Variants in CDKAL1 observed in about 807,000 individuals in gnomAD.
The protein encoded by CDKAL1 is CDKAL1 threonylcarbamoyladenosine tRNA methylthiotransferase, also known as threonylcarbamoyladenosine tRNA methylthiotransferase.
A neutral mutation model predicts 68.2 loss-of-function variants in CDKAL1; 32 were observed. That is an observed-to-expected ratio of 0.47 (90% CI 0.35 to 0.63). The LOEUF (loss-of-function observed/expected upper bound fraction) is 0.63, where lower values mean the gene tolerates loss of function less well. CDKAL1 is among the 30% of genes least tolerant of loss of function. The probability of loss-of-function intolerance (pLI) is 0.00; values close to 1 mark genes in which losing one functional copy is unlikely to be tolerated. For missense variants in CDKAL1, 606 were observed against 696.7 expected, an observed-to-expected ratio of 0.87 and a Z score of 1.47; for synonymous variants, 234 against 244.3, an observed-to-expected ratio of 0.96 and a Z score of 0.39.
chr6:20,980,753 A>G (rs1405438119), intron 10 of CDKAL1, among the ~76,000 whole-genome samples: 1 of 152,092 alleles, frequency 6.6e-6, no homozygotes, highest in African/African-American at 2.4e-5. Context: ...AAGGGGAGAG[A>G]GAGGGAGGTG....
chr6:20,584,063 T>A (rs1156723506), intron 4 of CDKAL1, among the ~76,000 whole-genome samples: 1 of 143,554 alleles, frequency 7.0e-6, no homozygotes, highest in Non-Finnish European at 1.5e-5. Context: ...TTTTTTTTTT[T>A]AACATTACTA....
At chr6:20,613,527 G>A (rs1311858493) in intron 4 of CDKAL1, among the ~76,000 whole-genome samples, 3 of 150,484 alleles carry the variant, frequency 2.0e-5, no homozygotes, top group South Asian at 2.1e-4. Flanking sequence ...TGCCCTCCTC[G>A]GCCTTCCGAA....
At chr6:21,184,055 C>G (rs559130444) in intron 13 of CDKAL1, among the ~76,000 whole-genome samples, 2 of 152,250 alleles carry the variant, frequency 1.3e-5, no homozygotes, top group South Asian at 4.1e-4. Flanking sequence ...AACATTAAAA[C>G]AGAGAACTTA....
At chr6:21,071,452 T>C (rs183166439) in intron 12 of CDKAL1, among the ~76,000 whole-genome samples, 5 of 152,282 alleles carry the variant, frequency 3.3e-5, no homozygotes, top group Non-Finnish European at 7.4e-5. Flanking sequence ...AAACCTCTTT[T>C]CTTTATAATT....
intron 8 of CDKAL1, among the ~76,000 whole-genome samples, chr6:20,827,013 G>T (rs1434304324): frequency 6.6e-6 from 1 of 152,064 alleles, no homozygotes; most frequent in African/African-American, 2.4e-5. Context: ...GTGGCTCATA[G>T]TTAAAAACAA....
chr6:20,959,116 A>G (rs898066019), intron 10 of CDKAL1, among the ~76,000 whole-genome samples: 6 of 152,190 alleles, frequency 3.9e-5, no homozygotes, highest in Non-Finnish European at 8.8e-5. Flanking sequence ...TATAGCAAAT[A>G]CTGAATACAT....
In CDKAL1 at chr6:21,078,748, A is replaced by G. The variant is rs151226661; in HGVS notation, c.1236+13520A>G. On this transcript the variant is annotated intron_variant, in intron 12 of 15. Transcript: ENST00000274695. ...GAGGAGGAGAGCTTGGATCATTTGC[A>G]CTTAGCATTTAAGCCTCTCTTCAGC... Among the ~76,000 whole-genome samples the G allele has an allele frequency of 3.9e-5, 6 of 152,192 alleles. No individual in the cohort carries two copies. The East Asian group carries it at 1.2e-3, about 29-fold the overall frequency.
At chr6:20,547,863 T>A (rs1763665470) in intron 3 of CDKAL1, among the ~76,000 whole-genome samples, 1 of 152,206 alleles carries the variant, frequency 6.6e-6, no homozygotes. Context: ...TACTTATATC[T>A]GTAAGTTTTA....
At chr6:20,954,751 A>G (rs1302415644) in intron 9 of CDKAL1, among the ~76,000 whole-genome samples, 1 of 152,212 alleles carries the variant, frequency 6.6e-6, no homozygotes, top group Non-Finnish European at 1.5e-5. Flanking sequence ...AATAATAACG[A>G]CAAGAATATA....
intron 8 of CDKAL1, among the ~76,000 whole-genome samples, chr6:20,793,344 G>A (rs145834306): frequency 1.2e-4 from 18 of 152,238 alleles, no homozygotes; most frequent in Non-Finnish European, 5.9e-5. Context: ...TAATGACAAG[G>A]TGTCAGTAGC....
chr6:21,101,482 A>C (rs528099984), intron 12 of CDKAL1, among the ~76,000 whole-genome samples: 1 of 152,170 alleles, frequency 6.6e-6, no homozygotes, highest in Non-Finnish European at 1.5e-5. Flanking sequence ...AAGCAGATAC[A>C]TGGCCCAAGA....
At chr6:20,565,163 G>A (rs1480505876) in intron 4 of CDKAL1, among the ~76,000 whole-genome samples, 1 of 151,796 alleles carries the variant, frequency 6.6e-6, no homozygotes, top group Non-Finnish European at 1.5e-5. Context: ...ATTTTTAAAT[G>A]AACAGCATTT....
chr6:21,224,633 C>T (rs1347138628), intron 15 of CDKAL1, among the ~76,000 whole-genome samples: 1 of 152,166 alleles, frequency 6.6e-6, no homozygotes, highest in Non-Finnish European at 1.5e-5. Context: ...CTGGAAAGGG[C>T]AAGGAATCAG....
chr6:20,823,071 CTCTCTCTCTG>C lies in CDKAL1; in HGVS notation c.639-22995_639-22986del, dbSNP rs1378405480. Among the ~76,000 whole-genome samples the C allele has an allele frequency of 2.0e-5, 3 of 152,134 alleles. No individual in the cohort carries two copies. In the East Asian group the frequency reaches 5.8e-4, roughly 29 times the overall value. On this transcript the variant is annotated intron_variant, in intron 8 of 15. Transcript: ENST00000274695. The stretch of plus-strand genomic sequence containing the variant: ...GCACACGTACACATTCTCGTTTTCT[CTCTCTCTCTG>C]TCTCTCTCACATACATATATACGAC...
Position 20,776,331 on chromosome 6 carries a change from T to C in CDKAL1, c.518-4814T>C, listed in dbSNP as rs565445444. Among the ~76,000 whole-genome samples, 3 of 152,332 alleles carry C rather than the reference T, an allele frequency of 2.0e-5. No homozygotes were observed. The South Asian group carries it at 6.2e-4, about 32-fold the overall frequency. On this transcript the variant is annotated intron_variant, in intron 7 of 15. Coordinates refer to ENST00000274695, the MANE Select transcript of CDKAL1 (RefSeq NM_017774.3). ...GCTTTTGATTGGAGAGTTTAACTTA[T>C]CTTGAAAATCTGTGGAATCCAACAT...
intron 4 of CDKAL1, among the ~76,000 whole-genome samples, chr6:20,642,515 G>A (rs1350725667): frequency 2.7e-5 from 4 of 149,236 alleles, no homozygotes; most frequent in Non-Finnish European, 5.9e-5. Flanking sequence ...GCCCTTATGC[G>A]TGAAAAGGTG....
At chr6:21,170,078 T>C (rs1777319765) in intron 13 of CDKAL1, among the ~76,000 whole-genome samples, 1 of 152,118 alleles carries the variant, frequency 6.6e-6, no homozygotes, top group African/African-American at 2.4e-5. Flanking sequence ...TGCAAAGTAA[T>C]GATGAAGACA....
intron 9 of CDKAL1, among the ~76,000 whole-genome samples, chr6:20,884,471 A>G (rs896961266): frequency 6.6e-6 from 1 of 152,230 alleles, no homozygotes. Context: ...TGCTTTCTCC[A>G]TTGCTATTCA....
At chr6:20,694,849 A>G (rs2127807917) in intron 5 of CDKAL1, among the ~76,000 whole-genome samples, 1 of 152,218 alleles carries the variant, frequency 6.6e-6, no homozygotes, top group South Asian at 2.1e-4. Context: ...CCTCACAGTA[A>G]TGAGTGGGTT....
Sources: gnomAD v4.1 joint callset for allele counts (sites outside exome capture counted in the v4.1 genomes callset) on GRCh38, gnomAD v4.1.1 for gene constraint, MANE v1.5 for transcripts, NCBI Gene and HGNC (gene_info 2026-07-23, HGNC 2026-07-21) for gene names.